ZRANB1: variants seen among roughly 807,000 people sequenced by gnomAD.
ZRANB1 encodes the protein zinc finger RANBP2-type containing 1, also known as ubiquitin thioesterase ZRANB1.
In ZRANB1, 16 loss-of-function variants were observed where a neutral mutation model predicts 80.5. That is an observed-to-expected ratio of 0.20 (90% CI 0.13 to 0.30). The LOEUF (loss-of-function observed/expected upper bound fraction) is 0.30, where lower values mean the gene tolerates loss of function less well. ZRANB1 is among the 10% of genes least tolerant of loss of function. The pLI is 1.00. For missense variants in ZRANB1, 576 were observed against 862.6 expected (o/e 0.67, Z 4.16); for synonymous variants, 291 against 293.1 (o/e 0.99, Z 0.07).
At chr10:124,919,405 G>A in the ZRANB1 span, among the ~76,000 whole-genome samples, 1 of 151,892 alleles carries the variant, frequency 6.6e-6, no homozygotes, top group Non-Finnish European at 1.5e-5. Context: ...AAATTTGCCG[G>A]GTATGGTGGC....
Position 124,986,565 on chromosome 10 carries a change from T to G in ZRANB1, c.*1573T>G, listed in dbSNP as rs1473179896. 2.0e-5 allele frequency: 3 copies of G among 152,078 alleles called. No homozygotes were observed. Among genetic ancestry groups the G allele is most frequent in the East Asian group, 1.9e-4 (1 of 5,198 alleles). The allele number at this position is 152,078 out of a possible 1,614,324, so 9.4% of individuals were successfully genotyped here. A position where few individuals can be genotyped will look rare whatever the true frequency, so the allele number is the denominator to read the frequency against. The stretch of plus-strand genomic sequence containing the variant: ...TGCATGCTAAATCTTGCAGGAAAAA[T>G]GATTTTTTAGTACGATTCTGTAGAA... On this transcript the variant is annotated 3_prime_UTR_variant, in exon 9 of 9. Coordinates refer to ENST00000359653, the MANE Select transcript of ZRANB1 (RefSeq NM_017580.3).
chr10:124,941,285 T>G (rs1050500254), upstream of ZRANB1, among the ~76,000 whole-genome samples: 6 of 152,198 alleles, frequency 3.9e-5, no homozygotes, highest in Non-Finnish European at 1.5e-5. Flanking sequence ...TTCATTATAG[T>G]GTAGTGTTAG....
At chr10:124,969,167 C>CA (rs1324713261) in intron 2 of ZRANB1, among the ~76,000 whole-genome samples, 2 of 152,228 alleles carry the variant, frequency 1.3e-5, no homozygotes, top group African/African-American at 4.8e-5. Flanking sequence ...AAGAGAGGCA[C>CA]AGAGTACAAG....
intron 1 of ZRANB1, among the ~76,000 whole-genome samples, chr10:124,943,528 A>AGT (rs4020644): frequency 0.76 from 113,368 of 148,606 alleles, 43,385 homozygotes; most frequent in East Asian, 0.94. Context: ...CAAAAATGTG[A>AGT]GTGTGTGTGT....
At chr10:124,923,808 G>A in the ZRANB1 span, among the ~76,000 whole-genome samples, 2 of 151,618 alleles carry the variant, frequency 1.3e-5, no homozygotes, top group African/African-American at 2.4e-5. Flanking sequence ...AGGGGAAACC[G>A]CCCCCATGAT....
chr10:124,983,501 A>G lies in ZRANB1; in HGVS notation c.1721A>G (p.Lys574Arg), dbSNP rs760459072. Residue 574 changes from lysine (K) to arginine (R), a missense_variant, in exon 8 of 9, where the codon AAA becomes AGA. Transcript: ENST00000359653. The surrounding 1 kb of genome is among the most constrained non-coding windows in gnomAD (Gnocchi z 6.2). ...PLLWEQSFCW[K>R]SPIALGYTRG... ...TTGTGGGAACAGAGTTTTTGTTGGA[A>G]AAGTCCGATTGCTCTGGGTTATACG... is the stretch of plus-strand genomic sequence containing the variant. 37 of 1,612,788 alleles carry G rather than the reference A, an allele frequency of 2.3e-5. No individual in the cohort carries two copies. The highest frequency in any genetic ancestry group is 3.1e-5 in the Non-Finnish European group (36 of 1,179,036).
intron 1 of ZRANB1, among the ~76,000 whole-genome samples, chr10:124,949,414 CAT>C (rs902536547): frequency 6.8e-6 from 1 of 147,660 alleles, no homozygotes; most frequent in Non-Finnish European, 1.5e-5. Context: ...TATGTATACA[CAT>C]ATATATGTAT....
chr10:124,984,631 C>T, intron 8 of ZRANB1, 143 bp from the exon 9 acceptor site: 1 of 754,848 alleles, frequency 1.3e-6, no homozygotes, highest in Non-Finnish European at 2.1e-6. Flanking sequence ...ACAAAACTTC[C>T]AAGAGGTCAA....
chr10:124,981,961 A>G (rs1951937885), intron 6 of ZRANB1, 132 bp downstream of exon 6: 13 of 1,131,074 alleles, frequency 1.1e-5, no homozygotes, highest in South Asian at 2.8e-5. Context: ...TCATCAGTCA[A>G]CTTGGGTTCT....
rs1015619319 is a variant in ZRANB1 at position 124,943,140 on chromosome 10, C to T, written c.647C>T (p.Ser216Leu). The change falls in exon 1 of 9, where the codon TCA (serine) becomes TTA (leucine). Residue 216 changes from serine (S) to leucine (L), a missense_variant. Around this residue, in one of 3 missense-constraint regions of ZRANB1, gnomAD observed 411 missense variants for 583.1 expected, o/e 0.70. Coordinates refer to ENST00000359653, the MANE Select transcript of ZRANB1 (RefSeq NM_017580.3). ...SCSSGNSQRR[S>L]PPATKRDSEV... Reference sequence around the variant, plus strand: ...AGTAGTGGTAATAGCCAAAGGAGATCACCTCCTGCTACGAAGCGGGACTCT... The same window carrying T: ...AGTAGTGGTAATAGCCAAAGGAGATTACCTCCTGCTACGAAGCGGGACTCT... 17 of 1,614,210 alleles carry T rather than the reference C, an allele frequency of 1.1e-5. No homozygotes were observed. The highest frequency in any genetic ancestry group is 1.4e-5 in the Non-Finnish European group (17 of 1,180,034).
chr10:124,952,931 A>T (rs542272685), intron 1 of ZRANB1, among the ~76,000 whole-genome samples: 2 of 150,968 alleles, frequency 1.3e-5, no homozygotes, highest in Non-Finnish European at 1.5e-5. Flanking sequence ...GTATTTTTTT[A>T]AATTTTATTT....
chr10:124,953,091 ATTT>A (rs368258624), intron 1 of ZRANB1, among the ~76,000 whole-genome samples: 1 of 131,610 alleles, frequency 7.6e-6, no homozygotes. Context: ...TGCCTGGCTA[ATTT>A]TTTTTTTTTT....
chr10:124,973,692 G>A lies in ZRANB1; in HGVS notation c.1204G>A (p.Val402Met). The A allele has an allele frequency of 6.2e-7, 1 of 1,612,690 alleles. No homozygotes were observed. The highest frequency in any genetic ancestry group is 8.5e-7 in the Non-Finnish European group (1 of 1,179,644). ...AGTCCAAGAAAAATTATTTGATGAG[G>A]TGCTTGATAGAGACGTTCAAAAAGG... ...PTVQEKLFDE[V>M]LDRDVQKELE... is the part of the protein sequence containing the mutation. Residue 402 changes from valine (V) to methionine (M), a missense_variant, in exon 4 of 9, where the codon GTG becomes ATG. Physicochemically the swap from Val to Met is conservative, Grantham distance 21. Coordinates refer to ENST00000359653, the MANE Select transcript of ZRANB1 (RefSeq NM_017580.3).
At chr10:124,935,801 G>A in the ZRANB1 span, among the ~76,000 whole-genome samples, 4 of 152,162 alleles carry the variant, frequency 2.6e-5, no homozygotes, top group South Asian at 4.1e-4. Context: ...TACCTTCCGT[G>A]CCACTGGAAT....
the ZRANB1 span, among the ~76,000 whole-genome samples, chr10:124,932,825 A>T: frequency 6.6e-6 from 1 of 152,046 alleles, no homozygotes; most frequent in African/African-American, 2.4e-5. Flanking sequence ...GGCCTCCCAA[A>T]GTGCTGGGAT....
chr10:124,972,789 T>G (rs940545597), intron 3 of ZRANB1, among the ~76,000 whole-genome samples: 2 of 152,066 alleles, frequency 1.3e-5, no homozygotes, highest in African/African-American at 4.8e-5. Context: ...TTTTTTTTTT[T>G]TAGATTGAAA....
upstream of ZRANB1, among the ~76,000 whole-genome samples, chr10:124,940,215 A>G (rs548110432): frequency 6.6e-5 from 10 of 152,360 alleles, no homozygotes; most frequent in South Asian, 2.1e-4. Context: ...TGATTAGCCA[A>G]TTTTATTGTT....
At chr10:124,926,009 T>C in the ZRANB1 span, among the ~76,000 whole-genome samples, 3 of 152,228 alleles carry the variant, frequency 2.0e-5, no homozygotes, top group Non-Finnish European at 4.4e-5. Context: ...CTGTATTGAA[T>C]ACTGTGGTGT....
At position 124,988,059 on chromosome 10, in the gene ZRANB1, A is replaced by G. The variant is rs1386072174; in HGVS notation, c.*3067A>G. On this transcript the variant is annotated 3_prime_UTR_variant, in exon 9 of 9. Coordinates refer to ENST00000359653, the MANE Select transcript of ZRANB1 (RefSeq NM_017580.3). The stretch of plus-strand genomic sequence containing the variant: ...ATTAAAGTCAGAACTCTAAAAGTTG[A>G]GCAACTTTGTTTTTTTTTGAATTGA... 6.7e-6 allele frequency: 1 copy of G among 148,510 alleles called. No homozygotes were observed. The highest frequency in any genetic ancestry group is 1.5e-5 in the Non-Finnish European group (1 of 67,282). The allele number at this position is 148,510 out of a possible 1,614,324, so 9.2% of individuals were successfully genotyped here. A position where few individuals can be genotyped will look rare whatever the true frequency, so the allele number is the denominator to read the frequency against.
Sources: allele counts gnomAD v4.1 joint callset (sites outside exome capture counted in the v4.1 genomes callset), GRCh38; gene constraint gnomAD v4.1.1; regional missense constraint gnomAD v4.1.1; non-coding constraint Gnocchi (gnomAD v3.1); transcripts MANE v1.5; gene names NCBI Gene and HGNC (gene_info 2026-07-23, HGNC 2026-07-21).